LRRN2: variants seen among roughly 807,000 people sequenced by gnomAD.
LRRN2 encodes leucine-rich repeat neuronal protein 2.
A neutral mutation model predicts 35.7 loss-of-function variants in LRRN2; 10 were observed. The observed-to-expected ratio is 0.28, with a 90% CI of 0.17 to 0.47. LRRN2 has a LOEUF of 0.47. Ranked by LOEUF, LRRN2 falls within the 20% of genes least tolerant of loss-of-function variation. LRRN2 has a pLI of 0.99. For synonymous variants in LRRN2, 391 were observed against 409.6 expected (o/e 0.95, Z 0.55); for missense variants, 731 against 940.3 (o/e 0.78, Z 2.91).
At position 204,650,206 on chromosome 1, in the gene LRRN2, G is replaced by A. The variant is rs528966847; in HGVS notation, c.-226-29988C>T. ...CCTAGGGGCAGTGGGAGGGGAGGGA[G>A]CAGGAATCACTTAGCCCTCATTAGT... is the stretch of plus-strand genomic sequence containing the variant. On this transcript the variant is annotated intron_variant, in intron 1 of 1. Transcript: ENST00000367177. 8.5e-5 allele frequency among the ~76,000 whole-genome samples: 13 copies of A among 152,358 alleles called. No homozygotes were observed. The South Asian group carries it at 2.3e-3, about 27-fold the overall frequency.
At chr1:204,656,159 T>G (rs916222341) in intron 1 of LRRN2, among the ~76,000 whole-genome samples, 3 of 152,212 alleles carry the variant, frequency 2.0e-5, no homozygotes, top group Non-Finnish European at 4.4e-5. Flanking sequence ...TCTGCCCGCC[T>G]CAGCCTCCCA....
rs149200582 is a variant in LRRN2 at position 204,618,266 on chromosome 1, G to A, written c.1727C>T (p.Pro576Leu). The A allele has an allele frequency of 1.3e-3, 2,056 of 1,609,984 alleles. 4 individuals are homozygous for A. Among genetic ancestry groups the A allele is most frequent in the Non-Finnish European group, 1.5e-3 (1,814 of 1,177,748 alleles). ...GQGATALARL[P>L]RGTHSYNITR... ...AATGTTGTAGCTGTGGGTTCCCCGA[G>A]GCAGGCGGGCCAGAGCTGTGGCCCC... Residue 576 changes from proline (P) to leucine (L), a missense_variant, in exon 2 of 2, where the codon CCT (proline) becomes CTT (leucine). Pro to Leu is a moderately conservative substitution (Grantham distance 98, BLOSUM62 -3). Around this residue, in one of 3 missense-constraint regions of LRRN2, gnomAD observed 229 missense variants for 258.4 expected, o/e 0.89. Transcript: ENST00000367177.
At chr1:204,654,761 C>T (rs1381483380) in intron 1 of LRRN2, among the ~76,000 whole-genome samples, 3 of 152,188 alleles carry the variant, frequency 2.0e-5, no homozygotes, top group African/African-American at 4.8e-5. Context: ...ACCAGCTTGC[C>T]CCAGTCCATG....
At chr1:204,676,030 G>C (rs1558423965) in intron 1 of LRRN2, among the ~76,000 whole-genome samples, 1 of 152,154 alleles carries the variant, frequency 6.6e-6, no homozygotes, top group Non-Finnish European at 1.5e-5. Context: ...CTGTTTTAGG[G>C]GAATGGCCCT....
intron 1 of LRRN2, among the ~76,000 whole-genome samples, chr1:204,655,909 C>T (rs918141752): frequency 3.9e-5 from 6 of 152,060 alleles, no homozygotes; most frequent in African/African-American, 1.4e-4. Flanking sequence ...TCCTTCTCTT[C>T]TTTTTTCTTT....
At chr1:204,675,700 C>G (rs1206415929) in intron 1 of LRRN2, among the ~76,000 whole-genome samples, 1 of 152,242 alleles carries the variant, frequency 6.6e-6, no homozygotes, top group Non-Finnish European at 1.5e-5. Context: ...TGTCATGGAA[C>G]ATAACATATT....
At chr1:204,641,027 T>C (rs184160173) in intron 1 of LRRN2, among the ~76,000 whole-genome samples, 38 of 147,890 alleles carry the variant, frequency 2.6e-4, no homozygotes, top group African/African-American at 8.6e-4. Context: ...ACAAAAAACA[T>C]CCTGACAAAT....
chr1:204,654,476 C>A (rs563837611), intron 1 of LRRN2, among the ~76,000 whole-genome samples: 1 of 152,280 alleles, frequency 6.6e-6, no homozygotes, highest in South Asian at 2.1e-4. Context: ...AGAATGAAAG[C>A]CTGCTTTCTT....
chr1:204,681,032 C>T (rs1247197832), intron 1 of LRRN2, among the ~76,000 whole-genome samples: 4 of 151,786 alleles, frequency 2.6e-5, no homozygotes, highest in African/African-American at 4.8e-5. Context: ...TCTCAGCTCA[C>T]TACAATCTCC....
At chr1:204,622,622 C>A (rs1007659644) in intron 1 of LRRN2, among the ~76,000 whole-genome samples, 3 of 151,840 alleles carry the variant, frequency 2.0e-5, no homozygotes, top group African/African-American at 7.3e-5. Flanking sequence ...GGTCAGGAAG[C>A]AGGGAGGGAA....
intron 1 of LRRN2, among the ~76,000 whole-genome samples, chr1:204,681,114 G>A (rs113800684): frequency 0.011 from 1,626 of 152,084 alleles, 34 homozygotes; most frequent in African/African-American, 0.037. Flanking sequence ...GTGCCACCAC[G>A]CCCGGCTAAT....
intron 1 of LRRN2, among the ~76,000 whole-genome samples, chr1:204,654,005 C>T (rs936889580): frequency 4.7e-5 from 7 of 149,798 alleles, no homozygotes; most frequent in African/African-American, 1.7e-4. Context: ...CAGTGCACTC[C>T]CTCTTTGGTG....
At chr1:204,659,639 T>A (rs1668430317) in intron 1 of LRRN2, among the ~76,000 whole-genome samples, 3 of 146,444 alleles carry the variant, frequency 2.0e-5, no homozygotes, top group Admixed American at 1.4e-4. Flanking sequence ...TGTGTGTGTG[T>A]GATGGATAGT....
intron 1 of LRRN2, among the ~76,000 whole-genome samples, chr1:204,667,660 G>A (rs1458246193): frequency 6.6e-6 from 1 of 152,164 alleles, no homozygotes; most frequent in African/African-American, 2.4e-5. Flanking sequence ...GTTCATGGGA[G>A]GAGTTCTCAG....
chr1:204,651,596 G>A (rs754572458), intron 1 of LRRN2, among the ~76,000 whole-genome samples: 3 of 152,034 alleles, frequency 2.0e-5, no homozygotes, highest in Admixed American at 6.5e-5. Context: ...TTTAAGTCCT[G>A]CATCCCCCCA....
intron 1 of LRRN2, among the ~76,000 whole-genome samples, chr1:204,658,425 C>T (rs1371813154): frequency 6.6e-6 from 1 of 152,258 alleles, no homozygotes; most frequent in African/African-American, 2.4e-5. Context: ...GGCTTGGAAA[C>T]TTTGAGCAAA....
rs114760923 is a variant in LRRN2 at position 204,626,246 on chromosome 1, C to T, written c.-226-6028G>A. Among the ~76,000 whole-genome samples the T allele has an allele frequency of 3.4e-3, 515 of 152,156 alleles. 4 individuals carry two copies. Among genetic ancestry groups the T allele is most frequent in the African/African-American group, 0.012 (495 of 41,510 alleles). ...CCGTCCACCAAAGGCTGGAAATGCC[C>T]GCCCTCTTCATCTGCCCTCTCCCAC... On this transcript the variant is annotated intron_variant, in intron 1 of 1. Coordinates refer to ENST00000367177, the MANE Select transcript of LRRN2 (RefSeq NM_201630.2).
chr1:204,671,964 G>A (rs117519467), intron 1 of LRRN2, among the ~76,000 whole-genome samples: 50 of 152,318 alleles, frequency 3.3e-4, no homozygotes, highest in Middle Eastern at 6.8e-3. Flanking sequence ...TGTCCACATC[G>A]TCACTAATCT....
chr1:204,656,477 A>T lies in LRRN2; in HGVS notation c.-227+28843T>A, dbSNP rs554036651. 2.4e-3 allele frequency among the ~76,000 whole-genome samples: 359 copies of T among 152,272 alleles called. 2 individuals carry two copies. Among genetic ancestry groups the T allele is most frequent in the African/African-American group, 8.4e-3 (351 of 41,560 alleles). On this transcript the variant is annotated intron_variant, in intron 1 of 1. Transcript: ENST00000367177. ...AACAATTTGTCTCTCCCTGAGGTTC[A>T]TGTCATCTTTCTTGTTTTCCACCTT...
Sources: allele counts gnomAD v4.1 joint callset (sites outside exome capture counted in the v4.1 genomes callset), GRCh38; gene constraint gnomAD v4.1.1; regional missense constraint gnomAD v4.1.1; transcripts MANE v1.5; gene names NCBI Gene and HGNC (gene_info 2026-07-23, HGNC 2026-07-21).